The following AIG1 variants were observed in gnomAD, a reference collection of about 807,000 sequenced individuals.
AIG1 encodes androgen-induced gene 1 protein.
A neutral mutation model predicts 31.4 loss-of-function variants in AIG1; 23 were observed. The observed-to-expected ratio is 0.73, with a 90% CI of 0.53 to 1.04. The LOEUF is 1.04. Among genes scored for constraint, AIG1 ranks in the 50% least tolerant of loss-of-function variants. AIG1 has a pLI of 0.00. For synonymous variants in AIG1, 100 were observed against 110.5 expected (o/e 0.90, Z 0.60); for missense variants, 274 against 295.0 (o/e 0.93, Z 0.52).
intron 1 of AIG1, among the ~76,000 whole-genome samples, chr6:143,102,535 T>C (rs889956143): frequency 1.4e-5 from 2 of 147,506 alleles, no homozygotes; most frequent in South Asian, 2.1e-4. Flanking sequence ...ATGTAAAATA[T>C]ATAATATAGT....
chr6:143,115,685 G>T (rs180959874), intron 1 of AIG1, among the ~76,000 whole-genome samples: 1 of 152,272 alleles, frequency 6.6e-6, no homozygotes, highest in African/African-American at 2.4e-5. Flanking sequence ...ATAATATTCT[G>T]CATGAGAAGC....
At chr6:143,097,888 CTG>C (rs1276198470) in intron 1 of AIG1, among the ~76,000 whole-genome samples, 2 of 152,204 alleles carry the variant, frequency 1.3e-5, no homozygotes, top group Admixed American at 6.5e-5. Context: ...GAAGAAGTGT[CTG>C]TGCTTCTAAG....
chr6:143,199,743 A>C (rs1171649376), intron 3 of AIG1, among the ~76,000 whole-genome samples: 1 of 152,234 alleles, frequency 6.6e-6, no homozygotes, highest in African/African-American at 2.4e-5. Context: ...GTAAAAAGCA[A>C]GTAAGATAAG....
chr6:143,145,928 TAGTAC>T (rs1255554264), intron 2 of AIG1, among the ~76,000 whole-genome samples: 1 of 152,236 alleles, frequency 6.6e-6, no homozygotes, highest in Non-Finnish European at 1.5e-5. Flanking sequence ...ATATCATTTT[TAGTAC>T]ATTCTTACCA....
At chr6:143,306,916 C>A (rs963103886) in intron 4 of AIG1, among the ~76,000 whole-genome samples, 1 of 152,122 alleles carries the variant, frequency 6.6e-6, no homozygotes, top group Non-Finnish European at 1.5e-5. Flanking sequence ...ATTCTTTTTT[C>A]TCCAAACTTC....
intron 1 of AIG1, among the ~76,000 whole-genome samples, chr6:143,096,480 A>T (rs1381240463): frequency 1.3e-5 from 2 of 152,244 alleles, no homozygotes; most frequent in African/African-American, 4.8e-5. Context: ...ATTTAGGCCT[A>T]TCTAGCATGA....
chr6:143,284,332 G>A lies in AIG1; in HGVS notation c.515+107G>A. The A allele has an allele frequency of 1.2e-6, 1 of 809,504 alleles. No homozygotes were observed. Among genetic ancestry groups the A allele is most frequent in the African/African-American group, 1.7e-5 (1 of 58,162 alleles). 50.1% of individuals were successfully genotyped at this position (809,504 alleles called of 1,614,324 possible). A position where few individuals can be genotyped will look rare whatever the true frequency, so the allele number is the denominator to read the frequency against. On this transcript the variant is annotated intron_variant, in intron 4 of 5. Coordinates refer to ENST00000357847, the MANE Select transcript of AIG1 (RefSeq NM_016108.4). The surrounding 1 kb of genome is among the most constrained non-coding windows in gnomAD (Gnocchi z 4.4). Reference sequence around the variant, plus strand: ...AATCACTAACAGATTCACGCTGTGTGCCGCATTTGGTCCAAGACCTGGGCT... The same window carrying A: ...AATCACTAACAGATTCACGCTGTGTACCGCATTTGGTCCAAGACCTGGGCT...
intron 3 of AIG1, among the ~76,000 whole-genome samples, chr6:143,216,059 A>T (rs1384064358): frequency 6.6e-6 from 1 of 152,136 alleles, no homozygotes; most frequent in South Asian, 2.1e-4. Flanking sequence ...TGTGATTTTG[A>T]GTCCTTGTGA....
intron 4 of AIG1, among the ~76,000 whole-genome samples, chr6:143,309,385 A>AT (rs1775081122): frequency 6.6e-6 from 1 of 152,036 alleles, no homozygotes; most frequent in Non-Finnish European, 1.5e-5. Context: ...AAAACATATG[A>AT]TTTTTCTTTT....
chr6:143,108,488 A>C (rs529554246), intron 1 of AIG1, among the ~76,000 whole-genome samples: 2 of 152,174 alleles, frequency 1.3e-5, no homozygotes, highest in Admixed American at 6.5e-5. Context: ...CTCTGTTTCT[A>C]GGAATAAAAA....
chr6:143,187,690 G>C, intron 3 of AIG1: 1 of 1,536,030 alleles, frequency 6.5e-7, no homozygotes, highest in Non-Finnish European at 8.7e-7. Flanking sequence ...TTTGAAGCAG[G>C]CTGCCTCTCC....
chr6:143,059,584 A>C (rs1177906875), upstream of AIG1, among the ~76,000 whole-genome samples: 2 of 152,226 alleles, frequency 1.3e-5, no homozygotes, highest in African/African-American at 4.8e-5. Context: ...TTCTGACATC[A>C]GTTCTATTAG....
chr6:143,265,199 G>A (rs896625267), intron 3 of AIG1, among the ~76,000 whole-genome samples: 4 of 152,130 alleles, frequency 2.6e-5, no homozygotes, highest in Admixed American at 6.5e-5. Context: ...TGTGGATAAC[G>A]AGGAGGAAAA....
intron 3 of AIG1, among the ~76,000 whole-genome samples, chr6:143,259,296 A>G (rs566453768): frequency 1.7e-4 from 26 of 152,376 alleles, no homozygotes; most frequent in Admixed American, 1.6e-3. Flanking sequence ...TTGCCAGAAC[A>G]TCAATAGACA....
intron 3 of AIG1, among the ~76,000 whole-genome samples, chr6:143,224,217 T>C (rs11155283): frequency 0.23 from 35,599 of 152,128 alleles, 4,553 homozygotes; most frequent in East Asian, 0.4. Context: ...TTCAATGTCT[T>C]TCCAGCGCCT....
At chr6:143,114,293 A>G (rs551824729) in intron 1 of AIG1, among the ~76,000 whole-genome samples, 8 of 152,216 alleles carry the variant, frequency 5.3e-5, no homozygotes, top group Non-Finnish European at 1.0e-4. Context: ...TTTTTCTCCT[A>G]AAAAACCAGT....
At chr6:143,342,035 CCT>C (rs1159966776), downstream of AIG1, among the ~76,000 whole-genome samples, 1 of 152,228 alleles carries the variant, frequency 6.6e-6, no homozygotes, top group Non-Finnish European at 1.5e-5. Flanking sequence ...AAACGATTCT[CCT>C]GCCTCAACCT....
Position 143,308,064 on chromosome 6 carries a change from G to A in AIG1, c.515+23839G>A, listed in dbSNP as rs151266420. Among the ~76,000 whole-genome samples the A allele has an allele frequency of 3.2e-3, 492 of 152,312 alleles. 1 individual carries two copies. The highest frequency in any genetic ancestry group is 4.6e-3 in the Non-Finnish European group (310 of 68,040). ...CATTTTTTAAGCCCATCGGAGAAGCGCAGTATTGGGGTGGGAGTGACCCGA... is the reference window on the plus strand; with the variant it reads ...CATTTTTTAAGCCCATCGGAGAAGCACAGTATTGGGGTGGGAGTGACCCGA... On this transcript the variant is annotated intron_variant, in intron 4 of 5. Transcript: ENST00000357847.
intron 2 of AIG1, among the ~76,000 whole-genome samples, chr6:143,152,194 T>TA (rs1400829796): frequency 2.6e-5 from 4 of 152,164 alleles, no homozygotes; most frequent in Non-Finnish European, 4.4e-5. Context: ...AGGATGCTTC[T>TA]AAAAAAAGCA....
Sources: allele counts gnomAD v4.1 joint callset (sites outside exome capture counted in the v4.1 genomes callset), GRCh38; gene constraint gnomAD v4.1.1; non-coding constraint Gnocchi (gnomAD v3.1); transcripts MANE v1.5; gene names NCBI Gene and HGNC (gene_info 2026-07-23, HGNC 2026-07-21).